TMEM273: variants seen among roughly 807,000 people sequenced by gnomAD.
TMEM273 encodes chromosome 10 open reading frame 128.
TMEM273 carries 19 observed loss-of-function variants against 17.9 expected under a neutral mutation model. The ratio of observed to expected loss-of-function variants is 1.06; its 90% CI spans 0.74 to 1.55. The LOEUF (loss-of-function observed/expected upper bound fraction) is 1.55, where lower values mean the gene tolerates loss of function less well. Among genes scored for constraint, TMEM273 ranks in the 40% most tolerant of loss-of-function variants. The pLI is 0.00. For synonymous variants in TMEM273, 66 were observed against 62.0 expected (o/e 1.07, Z -0.31); for missense variants, 194 against 155.6 (o/e 1.25, Z -1.31).
intron 1 of TMEM273, among the ~76,000 whole-genome samples, chr10:49,182,357 A>G (rs911583554): frequency 6.6e-6 from 1 of 152,074 alleles, no homozygotes. Flanking sequence ...ATAAAAACGA[A>G]TTTAATTCTC....
Position 49,155,714 on chromosome 10 carries a change from C to A in TMEM273, c.*178G>T. Reference sequence around the variant, plus strand: ...TCTTCCAGAAGAGGCATGATATTTTCCTTCAGGACAGAGGCACTGTATATT... The same window carrying A: ...TCTTCCAGAAGAGGCATGATATTTTACTTCAGGACAGAGGCACTGTATATT... On this transcript the variant is annotated 3_prime_UTR_variant, in exon 7 of 7. Transcript: ENST00000374153. 2.5e-6 allele frequency: 2 copies of A among 803,388 alleles called. No individual in the cohort carries two copies. 49.8% of individuals were successfully genotyped at this position (803,388 alleles called of 1,614,324 possible). A position where few individuals can be genotyped will look rare whatever the true frequency, so the allele number is the denominator to read the frequency against.
At chr10:49,183,823 TCA>T (rs1334910118) in intron 1 of TMEM273, among the ~76,000 whole-genome samples, 1 of 152,140 alleles carries the variant, frequency 6.6e-6, no homozygotes, top group Non-Finnish European at 1.5e-5. Flanking sequence ...TGAAATTTTA[TCA>T]CACTTTCCAG....
intron 1 of TMEM273, among the ~76,000 whole-genome samples, chr10:49,181,315 C>T (rs1847329270): frequency 6.6e-6 from 1 of 152,128 alleles, no homozygotes; most frequent in African/African-American, 2.4e-5. Flanking sequence ...TAATGCAATT[C>T]CCATCAAAAG....
chr10:49,187,816 A>G (rs1455600890), intron 1 of TMEM273, among the ~76,000 whole-genome samples: 1 of 152,248 alleles, frequency 6.6e-6, no homozygotes, highest in Non-Finnish European at 1.5e-5. Context: ...GCTTCACTGC[A>G]TGAGAATTCT....
intron 2 of TMEM273, 25 bp downstream of exon 2, chr10:49,167,884 C>T (rs1157249041): frequency 6.2e-6 from 10 of 1,613,722 alleles, no homozygotes; most frequent in Non-Finnish European, 7.6e-6. Context: ...ACCCTGTGCA[C>T]AGAATAACAT....
intron 6 of TMEM273, chr10:49,156,144 A>C (rs1374619606): frequency 2.6e-6 from 4 of 1,531,530 alleles, no homozygotes; most frequent in Non-Finnish European, 3.5e-6. Flanking sequence ...CAAGGCAAAC[A>C]AAACTTCATC....
chr10:49,186,292 T>C (rs983234672), intron 1 of TMEM273, among the ~76,000 whole-genome samples: 1 of 152,230 alleles, frequency 6.6e-6, no homozygotes, highest in Non-Finnish European at 1.5e-5. Flanking sequence ...ATTAACTTAG[T>C]CAAATTCCTA....
chr10:49,156,220 C>A, intron 6 of TMEM273: 4 of 1,401,198 alleles, frequency 2.9e-6, no homozygotes, highest in Non-Finnish European at 3.8e-6. Flanking sequence ...AAACTTTTCA[C>A]TTTCTGTAGT....
chr10:49,180,141 T>C (rs977191678), intron 1 of TMEM273, among the ~76,000 whole-genome samples: 3 of 152,142 alleles, frequency 2.0e-5, no homozygotes, highest in African/African-American at 7.2e-5. Context: ...ACAAGGTGCC[T>C]CTCACCCTTC....
chr10:49,161,787 C>T (rs1845857961), intron 5 of TMEM273, among the ~76,000 whole-genome samples, 165 bp from the exon 6 acceptor site: 1 of 152,142 alleles, frequency 6.6e-6, no homozygotes, highest in Non-Finnish European at 1.5e-5. Flanking sequence ...TTTGGAAACT[C>T]GAATCCTGCT....
Position 49,188,370 on chromosome 10 carries a change from C to T in TMEM273, c.-34G>A. 1 of 1,614,026 alleles carries T rather than the reference C, an allele frequency of 6.2e-7. No individual in the cohort carries two copies. Among genetic ancestry groups the T allele is most frequent in the Non-Finnish European group, 8.5e-7 (1 of 1,179,958 alleles). On this transcript the variant is annotated 5_prime_UTR_variant, in exon 1 of 7. Coordinates refer to ENST00000374153, the MANE Select transcript of TMEM273 (RefSeq NM_001288740.3). ...TCTGCTCTTGGCTCCTGGCTCCTGG[C>T]TGCTGGCAGCGCAGGCACAATGAGC...
rs375757535 is a variant in TMEM273 at position 49,181,197 on chromosome 10, T to C, written c.43+7097A>G. 2.9e-4 allele frequency among the ~76,000 whole-genome samples: 44 copies of C among 152,164 alleles called. No individual in the cohort carries two copies. In the South Asian group the frequency reaches 8.7e-3, roughly 30 times the overall value. ...AGGTGTAAGTCTAATAGCACAACCTTGAAGAAAAAAATCCAGAAGGATCTT... is the reference window on the plus strand; with the variant it reads ...AGGTGTAAGTCTAATAGCACAACCTCGAAGAAAAAAATCCAGAAGGATCTT... On this transcript the variant is annotated intron_variant, in intron 1 of 6. Coordinates refer to ENST00000374153, the MANE Select transcript of TMEM273 (RefSeq NM_001288740.3).
chr10:49,165,503 G>T (rs1262725163), intron 4 of TMEM273: 5 of 1,422,128 alleles, frequency 3.5e-6, no homozygotes, highest in Non-Finnish European at 4.6e-6. Flanking sequence ...CTGAGTGGGG[G>T]TGGAACAGGA....
Position 49,155,532 on chromosome 10 carries a change from C to T in TMEM273, c.*360G>A, listed in dbSNP as rs867300529. On this transcript the variant is annotated 3_prime_UTR_variant, in exon 7 of 7. Coordinates refer to ENST00000374153, the MANE Select transcript of TMEM273 (RefSeq NM_001288740.3). ...AGGAAGCTGTGTGTTGGGTCGGATT[C>T]CCCTTTTCATGAGCCATTTTCTGTG... 2 of 331,608 alleles carry T rather than the reference C, an allele frequency of 6.0e-6. No individual in the cohort carries two copies. Among genetic ancestry groups the T allele is most frequent in the East Asian group, 6.0e-5 (1 of 16,756 alleles). The allele number at this position is 331,608 out of a possible 1,614,324, so 20.5% of individuals were successfully genotyped here. A position where few individuals can be genotyped will look rare whatever the true frequency, so the allele number is the denominator to read the frequency against.
intron 1 of TMEM273, among the ~76,000 whole-genome samples, chr10:49,173,266 C>T (rs1392968939): frequency 6.6e-6 from 1 of 152,208 alleles, no homozygotes; most frequent in Non-Finnish European, 1.5e-5. Flanking sequence ...CTTATCTGAG[C>T]TCGGTAACTG....
At chr10:49,183,758 G>A (rs1847496902) in intron 1 of TMEM273, among the ~76,000 whole-genome samples, 1 of 152,164 alleles carries the variant, frequency 6.6e-6, no homozygotes, top group African/African-American at 2.4e-5. Flanking sequence ...GAAATGAACA[G>A]GGTCCACGTG....
In TMEM273 at chr10:49,172,994, A is replaced by G. The variant is rs566254661; in HGVS notation, c.44-5032T>C. Reference sequence around the variant, plus strand: ...GTCAACAGGTGGGGCAGAAGATCCAATTCAGACCAGTGACACCTAACTCAG... The same window carrying G: ...GTCAACAGGTGGGGCAGAAGATCCAGTTCAGACCAGTGACACCTAACTCAG... On this transcript the variant is annotated intron_variant, in intron 1 of 6. Transcript: ENST00000374153. Among the ~76,000 whole-genome samples the G allele has an allele frequency of 3.3e-5, 5 of 152,310 alleles. No homozygotes were observed. In the South Asian group the frequency reaches 6.2e-4, roughly 19 times the overall value.
At chr10:49,156,193 A>T (rs1845494800) in intron 6 of TMEM273, 1 of 1,468,276 alleles carries the variant, frequency 6.8e-7, no homozygotes, top group Non-Finnish European at 9.1e-7. Context: ...CCTCGAGGTT[A>T]ATAGGCATAT....
intron 5 of TMEM273, among the ~76,000 whole-genome samples, chr10:49,162,294 C>A (rs2132113722): frequency 6.6e-6 from 1 of 152,284 alleles, no homozygotes; most frequent in African/African-American, 2.4e-5. Context: ...GCCACATGCA[C>A]ATACACACAC....
Sources: gnomAD v4.1 joint callset for allele counts (sites outside exome capture counted in the v4.1 genomes callset) on GRCh38, gnomAD v4.1.1 for gene constraint, MANE v1.5 for transcripts, NCBI Gene and HGNC (gene_info 2026-07-23, HGNC 2026-07-21) for gene names.